MPPED2: variants seen among roughly 807,000 people sequenced by gnomAD.
The protein encoded by MPPED2 is metallophosphoesterase domain containing 2, also known as metallophosphoesterase MPPED2.
MPPED2 carries 5 observed loss-of-function variants against 33.0 expected under a neutral mutation model. That is an observed-to-expected ratio of 0.15 (90% CI 0.08 to 0.32). The LOEUF is 0.32. MPPED2 is among the 10% of genes least tolerant of loss of function. The pLI, the probability that MPPED2 is intolerant of heterozygous loss-of-function variation, is 1.00. For synonymous variants in MPPED2, 136 were observed against 141.9 expected (o/e 0.96, Z 0.29); for missense variants, 275 against 372.1 (o/e 0.74, Z 2.15).
intron 6 of MPPED2, among the ~76,000 whole-genome samples, chr11:30,404,203 A>G (rs1055940514): frequency 2.0e-5 from 3 of 152,228 alleles, no homozygotes; most frequent in Non-Finnish European, 4.4e-5. Flanking sequence ...GAGATGCACA[A>G]AGAAATAAGT....
At chr11:30,551,274 C>G (rs968576935) in intron 2 of MPPED2, among the ~76,000 whole-genome samples, 1 of 152,110 alleles carries the variant, frequency 6.6e-6, no homozygotes, top group Admixed American at 6.5e-5. Context: ...TTGAGAGAAC[C>G]CTATAAGGTA....
chr11:30,482,852 T>C (rs897095919), intron 4 of MPPED2, among the ~76,000 whole-genome samples: 2 of 152,200 alleles, frequency 1.3e-5, no homozygotes, highest in African/African-American at 4.8e-5. Flanking sequence ...CAAAATTTCC[T>C]ATGAACTGTT....
At chr11:30,487,777 ATTTTTCTTT>A (rs1210106600) in intron 4 of MPPED2, among the ~76,000 whole-genome samples, 1 of 151,830 alleles carries the variant, frequency 6.6e-6, no homozygotes, top group Non-Finnish European at 1.5e-5. Context: ...CACCTGGCCA[ATTTTTCTTT>A]TTAAACCCTA....
chr11:30,496,610 G>A (rs1430416271), intron 3 of MPPED2, among the ~76,000 whole-genome samples: 1 of 148,352 alleles, frequency 6.7e-6, no homozygotes, highest in African/African-American at 2.5e-5. Context: ...ACCACTAGCA[G>A]GAAATTGGAT....
At chr11:30,432,547 A>T (rs940897209) in intron 4 of MPPED2, among the ~76,000 whole-genome samples, 2 of 152,190 alleles carry the variant, frequency 1.3e-5, no homozygotes, top group African/African-American at 4.8e-5. Context: ...CTTGAAATGA[A>T]ATTCCCCAGA....
intron 2 of MPPED2, among the ~76,000 whole-genome samples, chr11:30,568,061 G>T (rs977395775): frequency 6.6e-6 from 1 of 152,072 alleles, no homozygotes; most frequent in Non-Finnish European, 1.5e-5. Flanking sequence ...TGTTTTAGAG[G>T]CAATAAAGAC....
chr11:30,417,706 C>T, intron 4 of MPPED2, 73 bp from the exon 5 acceptor site: 1 of 832,310 alleles, frequency 1.2e-6, no homozygotes, highest in Admixed American at 1.9e-5. Flanking sequence ...TTCTCTCTCG[C>T]ACATTCCCCC....
chr11:30,526,364 T>A (rs1954178457), intron 3 of MPPED2, among the ~76,000 whole-genome samples: 1 of 152,114 alleles, frequency 6.6e-6, no homozygotes, highest in South Asian at 2.1e-4. Context: ...GGACCCTAAG[T>A]GGATTTCTTG....
At chr11:30,563,650 C>CAACT (rs1486157781) in intron 2 of MPPED2, among the ~76,000 whole-genome samples, 1 of 152,144 alleles carries the variant, frequency 6.6e-6, no homozygotes, top group Non-Finnish European at 1.5e-5. Context: ...GTAGCAGAGG[C>CAACT]AACTCTAAAG....
intron 3 of MPPED2, among the ~76,000 whole-genome samples, chr11:30,511,767 A>T (rs139931438): frequency 2.7e-4 from 41 of 152,306 alleles, no homozygotes; most frequent in African/African-American, 7.9e-4. Context: ...AATATTTTTT[A>T]AAAATCTACC....
chr11:30,463,495 T>C (rs770387346), intron 4 of MPPED2, among the ~76,000 whole-genome samples: 32 of 152,338 alleles, frequency 2.1e-4, no homozygotes, highest in Middle Eastern at 3.4e-3. Context: ...GGTGCAGGCA[T>C]GAGCATAGGA....
intron 2 of MPPED2, among the ~76,000 whole-genome samples, chr11:30,579,055 G>A (rs1590932694): frequency 7.7e-6 from 1 of 130,616 alleles, no homozygotes; most frequent in Non-Finnish European, 1.6e-5. Flanking sequence ...CGGCTGCTTT[G>A]CAGAAATCTC....
chr11:30,477,518 AT>A (rs35920997), intron 4 of MPPED2, among the ~76,000 whole-genome samples: 15,669 of 151,310 alleles, frequency 0.1, 1,056 homozygotes, highest in South Asian at 0.24. Flanking sequence ...AATTAGATAG[AT>A]TTTTTTTTCA....
At chr11:30,436,319 T>C (rs536827362) in intron 4 of MPPED2, among the ~76,000 whole-genome samples, 1 of 92,772 alleles carries the variant, frequency 1.1e-5, no homozygotes, top group East Asian at 2.7e-4. Context: ...TCTCAAACTT[T>C]AGACATCAGT....
intron 4 of MPPED2, among the ~76,000 whole-genome samples, chr11:30,423,721 T>A (rs1380930648): frequency 1.3e-5 from 2 of 152,240 alleles, no homozygotes; most frequent in Non-Finnish European, 2.9e-5. Context: ...TGAACTTTTG[T>A]AAAATTTTTG....
intron 2 of MPPED2, among the ~76,000 whole-genome samples, chr11:30,552,015 TG>T (rs755705921): frequency 2.0e-5 from 3 of 152,228 alleles, no homozygotes; most frequent in Non-Finnish European, 4.4e-5. Flanking sequence ...CACTCCTTGA[TG>T]AAGTGTTCCA....
chr11:30,505,973 T>A (rs1360413539), intron 3 of MPPED2, among the ~76,000 whole-genome samples: 1 of 152,068 alleles, frequency 6.6e-6, no homozygotes, highest in Non-Finnish European at 1.5e-5. Context: ...GGGGAATAAG[T>A]GAGAGCAGGA....
intron 2 of MPPED2, among the ~76,000 whole-genome samples, chr11:30,539,196 C>A (rs987298117): frequency 6.6e-6 from 1 of 152,128 alleles, no homozygotes; most frequent in Non-Finnish European, 1.5e-5. Flanking sequence ...AAGGGAGACT[C>A]CAACTGCTAC....
chr11:30,451,629 T>A, intron 4 of MPPED2: 1 of 888,550 alleles, frequency 1.1e-6, no homozygotes, highest in Non-Finnish European at 1.3e-6. Context: ...AGACGTTATT[T>A]TAATGATAAA....
Sources: gnomAD v4.1 joint callset for allele counts (sites outside exome capture counted in the v4.1 genomes callset) on GRCh38, gnomAD v4.1.1 for gene constraint, MANE v1.5 for transcripts, NCBI Gene and HGNC (gene_info 2026-07-23, HGNC 2026-07-21) for gene names.